The following SH3D19 variants were observed in gnomAD, a reference collection of about 807,000 sequenced individuals.
The protein encoded by SH3D19 is SH3 domain-containing protein 19.
Under a neutral mutation model 112.1 loss-of-function variants are expected in SH3D19, and 58 were observed. The observed-to-expected ratio is 0.52, with a 90% CI of 0.42 to 0.64. SH3D19 has a LOEUF of 0.64. Ranked by LOEUF, SH3D19 falls within the 30% of genes least tolerant of loss-of-function variation. The probability of loss-of-function intolerance (pLI) is 0.00; values close to 1 mark genes in which losing one functional copy is unlikely to be tolerated. For missense variants in SH3D19, 1,090 were observed against 1,263.4 expected (o/e 0.86, Z 2.08); for synonymous variants, 391 against 448.5 (o/e 0.87, Z 1.62).
At chr4:151,244,910 G>A (rs62344985) in intron 1 of SH3D19, among the ~76,000 whole-genome samples, 4 of 152,064 alleles carry the variant, frequency 2.6e-5, no homozygotes, top group Non-Finnish European at 5.9e-5. Context: ...TTGGGAGGCC[G>A]AGGCGGGCAG....
At chr4:151,126,970 T>C (rs927446781) in intron 19 of SH3D19, among the ~76,000 whole-genome samples, 1 of 148,346 alleles carries the variant, frequency 6.7e-6, no homozygotes, top group South Asian at 2.2e-4. Context: ...AGTGCAGTGG[T>C]GCAATCTCGG....
intron 1 of SH3D19, among the ~76,000 whole-genome samples, chr4:151,306,583 TCTTCATTAA>T (rs1410297236): frequency 6.6e-6 from 1 of 152,212 alleles, no homozygotes; most frequent in African/African-American, 2.4e-5. Context: ...AAACCCCAAT[TCTTCATTAA>T]CTTCATTAAA....
intron 1 of SH3D19, among the ~76,000 whole-genome samples, chr4:151,242,764 G>C (rs1027412523): frequency 7.9e-5 from 12 of 152,090 alleles, no homozygotes; most frequent in African/African-American, 2.7e-4. Context: ...AAGACATAAA[G>C]CATCTGGTTA....
intron 17 of SH3D19, among the ~76,000 whole-genome samples, chr4:151,131,241 C>G (rs1750615149): frequency 6.6e-6 from 1 of 151,730 alleles, no homozygotes; most frequent in African/African-American, 2.4e-5. Flanking sequence ...TGACTAAAAC[C>G]CTATCTCATT....
chr4:151,314,789 A>AT (rs1729830007), intron 1 of SH3D19, among the ~76,000 whole-genome samples: 1 of 152,110 alleles, frequency 6.6e-6, no homozygotes. Context: ...AGGGCCATCT[A>AT]TTTTTCTGCT....
chr4:151,264,635 T>C (rs1021675870), intron 1 of SH3D19, among the ~76,000 whole-genome samples: 10 of 152,102 alleles, frequency 6.6e-5, no homozygotes, highest in African/African-American at 2.2e-4. Context: ...CTGTGTTTAG[T>C]AGTCATGGAT....
chr4:151,157,989 G>A lies in SH3D19; in HGVS notation c.1755+1251C>T, dbSNP rs56704545. Reference sequence around the variant, plus strand: ...AGCTTTGTTAAATAATACAAAATTAGAGCTAGACAGGAGGAATAAATTCTA... The same window carrying A: ...AGCTTTGTTAAATAATACAAAATTAAAGCTAGACAGGAGGAATAAATTCTA... On this transcript the variant is annotated intron_variant, in intron 9 of 19. Transcript: ENST00000604030. Among the ~76,000 whole-genome samples the A allele has an allele frequency of 2.5e-3, 374 of 152,268 alleles. 1 individual carries two copies. The highest frequency in any genetic ancestry group is 8.7e-3 in the African/African-American group (361 of 41,556).
intron 1 of SH3D19, among the ~76,000 whole-genome samples, chr4:151,260,813 CATACT>C (rs1772320010): frequency 1.3e-5 from 2 of 152,162 alleles, no homozygotes; most frequent in African/African-American, 2.4e-5. Flanking sequence ...CAAGGCCTTG[CATACT>C]CTATTCCCTG....
intron 2 of SH3D19, 84 bp downstream of exon 2, chr4:151,225,963 A>G: frequency 2.2e-6 from 2 of 907,968 alleles, no homozygotes; most frequent in Non-Finnish European, 2.9e-6. Flanking sequence ...CAGTAACTCT[A>G]AAGAGGACAC....
At chr4:151,128,146 AT>A (rs1749834158) in intron 18 of SH3D19, 23 bp downstream of exon 18, 1 of 1,567,992 alleles carries the variant, frequency 6.4e-7, no homozygotes, top group African/African-American at 1.4e-5. Context: ...GAGGAGTCGC[AT>A]TCATGTCTTG....
At chr4:151,258,640 C>CA (rs1356878404) in intron 1 of SH3D19, among the ~76,000 whole-genome samples, 1 of 152,226 alleles carries the variant, frequency 6.6e-6, no homozygotes, top group East Asian at 1.9e-4. Flanking sequence ...CCTGCTCTCC[C>CA]AGGACAGCAG....
chr4:151,138,832 T>A (rs1297627684), intron 13 of SH3D19, among the ~76,000 whole-genome samples: 1 of 152,162 alleles, frequency 6.6e-6, no homozygotes, highest in Admixed American at 6.6e-5. Flanking sequence ...TACAATTTTT[T>A]TGTTGTTGTT....
At chr4:151,277,121 G>T in intron 1 of SH3D19, 1 of 1,332,028 alleles carries the variant, frequency 7.5e-7, no homozygotes, top group South Asian at 2.3e-5. Context: ...CCTCTTCCTG[G>T]GAGCCTGAGT....
intron 1 of SH3D19, chr4:151,228,030 T>G: frequency 1.0e-6 from 1 of 985,386 alleles, no homozygotes; most frequent in Non-Finnish European, 1.2e-6. Context: ...AGCAAATGGC[T>G]CACAGCTCTC....
chr4:151,230,196 C>A (rs547949650), intron 1 of SH3D19, among the ~76,000 whole-genome samples: 15 of 152,314 alleles, frequency 9.8e-5, no homozygotes, highest in African/African-American at 3.6e-4. Flanking sequence ...ACGCCACTTA[C>A]GTAGAAATGG....
rs1335948297 is a variant in SH3D19, at chr4:151,175,601, T to C, written c.603A>G (p.Ala201=). The C allele has an allele frequency of 7.6e-7, 1 of 1,321,930 alleles. No homozygotes were observed. The highest frequency in any genetic ancestry group is 9.6e-7 in the Non-Finnish European group (1 of 1,042,744). 81.9% of individuals were successfully genotyped at this position (1,321,930 alleles called of 1,614,324 possible). The stretch of plus-strand genomic sequence containing the variant: ...CAGAAATATCAAAGACGATTAAAGG[T>C]GCCACATTTGTTGGAAGATTGCCAG... ...VSSGNLPTNV[A]PLIVFDISEE... The change falls in exon 7 of 20, where the codon GCA becomes GCG. Residue 201 remains alanine, a synonymous_variant. Coordinates refer to ENST00000604030, the MANE Select transcript of SH3D19 (RefSeq NM_001378122.1).
chr4:151,194,176 C>G lies in SH3D19; in HGVS notation c.153-6713G>C, dbSNP rs1245193348. Among the ~76,000 whole-genome samples, 6 of 151,880 alleles carry G rather than the reference C, an allele frequency of 4.0e-5. No homozygotes were observed. In the South Asian group the frequency reaches 1.3e-3, roughly 32 times the overall value. On this transcript the variant is annotated intron_variant, in intron 2 of 19. Transcript: ENST00000604030. Reference sequence around the variant, plus strand: ...AAGTAGCTTGGATTACAGGTGCCCGCCACCACGCCCAGCTAGTTTTTTTGT... The same window carrying G: ...AAGTAGCTTGGATTACAGGTGCCCGGCACCACGCCCAGCTAGTTTTTTTGT...
At chr4:151,323,437 G>A (rs1316295251) in intron 1 of SH3D19, among the ~76,000 whole-genome samples, 1 of 152,204 alleles carries the variant, frequency 6.6e-6, no homozygotes, top group Non-Finnish European at 1.5e-5. Context: ...GGTAAGGAAT[G>A]TGTTAGTGTC....
At position 151,291,075 on chromosome 4, in the gene SH3D19, T is replaced by G. The variant is rs150804994; in HGVS notation, c.112+34166A>C. The stretch of plus-strand genomic sequence containing the variant: ...CCCCTTATTACTACTCTCTTCTTTA[T>G]GCCTCTTTTCACTATGCTCATTACC... On this transcript the variant is annotated intron_variant, in intron 1 of 19. Coordinates refer to ENST00000604030, the MANE Select transcript of SH3D19 (RefSeq NM_001378122.1). The G allele has an allele frequency of 1.6e-5, 23 of 1,452,120 alleles. No homozygotes were observed. The African/African-American group carries it at 2.2e-4, about 14-fold the overall frequency. 90.0% of individuals were successfully genotyped at this position (1,452,120 alleles called of 1,614,324 possible).
Sources: allele counts gnomAD v4.1 joint callset (sites outside exome capture counted in the v4.1 genomes callset), GRCh38; gene constraint gnomAD v4.1.1; transcripts MANE v1.5; gene names NCBI Gene and HGNC (gene_info 2026-07-23, HGNC 2026-07-21).